SLC25A29: variants seen among roughly 807,000 people sequenced by gnomAD.
SLC25A29 encodes the protein mitochondrial basic amino acids transporter.
Under a neutral mutation model 10.0 loss-of-function variants are expected in SLC25A29, and 13 were observed. That is an observed-to-expected ratio of 1.30 (90% CI 0.85 to 2.07). The LOEUF (loss-of-function observed/expected upper bound fraction) is 2.07, where lower values mean the gene tolerates loss of function less well. Ranked by LOEUF, SLC25A29 falls within the 30% of genes most tolerant of loss-of-function variation. The pLI is 0.00. For synonymous variants in SLC25A29, 244 were observed against 221.1 expected, an observed-to-expected ratio of 1.10 and a Z score of -0.92; for missense variants, 475 against 447.6, an observed-to-expected ratio of 1.06 and a Z score of -0.55.
chr14:100,295,400 C>T, intron 2 of SLC25A29: 2 of 354,484 alleles, frequency 5.6e-6, no homozygotes, highest in East Asian at 7.7e-5. Context: ...GTTTAGGAAG[C>T]TCCCAGCTCC....
chr14:100,299,589 A>C lies in SLC25A29; in HGVS notation c.35-704T>G, dbSNP rs1892406002. The C allele has an allele frequency of 6.1e-6, 6 of 985,648 alleles. No homozygotes were observed. The South Asian group carries it at 1.9e-4, about 31-fold the overall frequency. 61.1% of individuals were successfully genotyped at this position (985,648 alleles called of 1,614,324 possible). A position where few individuals can be genotyped will look rare whatever the true frequency, so the allele number is the denominator to read the frequency against. On this transcript the variant is annotated intron_variant, in intron 1 of 3. Transcript: ENST00000359232. ...CCTGCCAAAAATCCAGCCCCTCTTG[A>C]AGGACAAAGGTTCACCCCTCCAAAA...
At position 100,292,185 on chromosome 14, in the gene SLC25A29, C is replaced by T. The variant is rs1026512076; in HGVS notation, c.*98G>A. 5 of 1,462,646 alleles carry T rather than the reference C, an allele frequency of 3.4e-6. No individual in the cohort carries two copies. Among genetic ancestry groups the T allele is most frequent in the Non-Finnish European group, 3.7e-6 (4 of 1,086,182 alleles). 90.6% of individuals were successfully genotyped at this position (1,462,646 alleles called of 1,614,324 possible). On this transcript the variant is annotated 3_prime_UTR_variant, in exon 4 of 4. Coordinates refer to ENST00000359232, the MANE Select transcript of SLC25A29 (RefSeq NM_001039355.3). ...CCCACGTCTGATAGACTCCACAGCTCGCAGCATCCCAGCAGGAAGCAGGGC... is the reference window on the plus strand; with the variant it reads ...CCCACGTCTGATAGACTCCACAGCTTGCAGCATCCCAGCAGGAAGCAGGGC...
In SLC25A29 at chr14:100,292,351, C is replaced by T. The variant is rs757836647; in HGVS notation, c.844G>A (p.Gly282Arg). 18 of 1,499,764 alleles carry T rather than the reference C, an allele frequency of 1.2e-5. No individual in the cohort carries two copies. The highest frequency in any genetic ancestry group is 9.5e-5 in the Admixed American group (4 of 42,190). The allele number at this position is 1,499,764 out of a possible 1,614,324, so 92.9% of individuals were successfully genotyped here. ...GCGGGCACAGCCTCGCCCTCGGGCC[C>T]GGCCTCCTCGCCGCGCGCGTAGGTG... ...VLTYARGEEA[G>R]PEGEAVPAAP... Residue 282 changes from glycine (G) to arginine (R), a missense_variant, in exon 4 of 4, where the codon GGG (glycine) becomes AGG (arginine). Coordinates refer to ENST00000359232, the MANE Select transcript of SLC25A29 (RefSeq NM_001039355.3).
intron 1 of SLC25A29, among the ~76,000 whole-genome samples, chr14:100,302,636 T>C (rs1044641737): frequency 5.3e-5 from 8 of 152,218 alleles, no homozygotes; most frequent in African/African-American, 1.9e-4. Flanking sequence ...ATTACAGGTG[T>C]AAGCCACTGA....
At chr14:100,299,137 C>T (rs1485776321) in intron 1 of SLC25A29, 3 of 1,381,578 alleles carry the variant, frequency 2.2e-6, no homozygotes, top group African/African-American at 2.9e-5. Context: ...GTCCCATCTG[C>T]AGGCTGCTGC....
chr14:100,285,191 C>G, the SLC25A29 span, among the ~76,000 whole-genome samples: 1 of 152,084 alleles, frequency 6.6e-6, no homozygotes, highest in Non-Finnish European at 1.5e-5. Flanking sequence ...AGCTGGTGGC[C>G]AGCCCTAGCC....
chr14:100,301,481 A>G (rs967424926), intron 1 of SLC25A29, among the ~76,000 whole-genome samples: 1 of 146,910 alleles, frequency 6.8e-6, no homozygotes, highest in African/African-American at 2.5e-5. Context: ...TCCCTTTCTA[A>G]TTGTTAATTT....
At chr14:100,286,491 C>A (rs1891546575), downstream of SLC25A29, among the ~76,000 whole-genome samples, 1 of 101,144 alleles carries the variant, frequency 9.9e-6, no homozygotes, top group Non-Finnish European at 2.1e-5. Context: ...GTGTTGCTTG[C>A]AGAGGGGCGC....
chr14:100,300,329 T>A (rs1271356102), intron 1 of SLC25A29, among the ~76,000 whole-genome samples: 1 of 152,160 alleles, frequency 6.6e-6, no homozygotes, highest in African/African-American at 2.4e-5. Context: ...CTTTGCCAGT[T>A]CTGCTTTCTC....
intron 1 of SLC25A29, among the ~76,000 whole-genome samples, chr14:100,301,959 T>G (rs1892585435): frequency 6.6e-6 from 1 of 151,804 alleles, no homozygotes; most frequent in South Asian, 2.1e-4. Flanking sequence ...GACATTTTCC[T>G]CATTGAGACC....
At chr14:100,286,789 G>C (rs1258546421), downstream of SLC25A29, among the ~76,000 whole-genome samples, 1 of 152,218 alleles carries the variant, frequency 6.6e-6, no homozygotes, top group African/African-American at 2.4e-5. Context: ...ATGGGACCTG[G>C]ACCCTTGCCC....
chr14:100,288,025 G>C (rs887149275), downstream of SLC25A29, among the ~76,000 whole-genome samples: 1 of 152,172 alleles, frequency 6.6e-6, no homozygotes, highest in Non-Finnish European at 1.5e-5. Flanking sequence ...GTGTGCCACA[G>C]TGTGTTTTAC....
At chr14:100,297,521 C>G (rs980745053) in intron 2 of SLC25A29, among the ~76,000 whole-genome samples, 1 of 152,252 alleles carries the variant, frequency 6.6e-6, no homozygotes, top group Non-Finnish European at 1.5e-5. Context: ...CAACACATGA[C>G]CACGAGACAT....
downstream of SLC25A29, among the ~76,000 whole-genome samples, chr14:100,288,314 G>A (rs971488136): frequency 7.3e-6 from 1 of 137,716 alleles, no homozygotes; most frequent in Non-Finnish European, 1.5e-5. Context: ...CCTGGGAGGT[G>A]GAAGTTGCAG....
chr14:100,298,741 C>T, intron 2 of SLC25A29, 101 bp downstream of exon 2: 2 of 1,465,724 alleles, frequency 1.4e-6, no homozygotes, highest in Non-Finnish European at 1.9e-6. Flanking sequence ...AGCAGCTGCC[C>T]ACCTGGGGCT....
the SLC25A29 span, among the ~76,000 whole-genome samples, chr14:100,283,830 C>T: frequency 6.6e-6 from 1 of 152,092 alleles, no homozygotes; most frequent in Non-Finnish European, 1.5e-5. Context: ...ACCAGTATCT[C>T]TCCTTTATAC....
At chr14:100,305,631 C>T (rs1892879992) in intron 1 of SLC25A29, 1 of 149,150 alleles carries the variant, frequency 6.7e-6, no homozygotes, top group African/African-American at 2.5e-5. Flanking sequence ...GACCCACCCA[C>T]CACCCCCCTT....
chr14:100,302,408 G>A (rs1381848925), intron 1 of SLC25A29, among the ~76,000 whole-genome samples: 3 of 149,156 alleles, frequency 2.0e-5, no homozygotes, highest in Admixed American at 6.7e-5. Flanking sequence ...CACCCAGGCC[G>A]GAGTGCAATG....
At chr14:100,299,652 G>C in intron 1 of SLC25A29, 1 of 984,926 alleles carries the variant, frequency 1.0e-6, no homozygotes, top group Non-Finnish European at 1.2e-6. Context: ...TAAATGCTGT[G>C]CAGGTGGTAA....
Sources: gnomAD v4.1 joint callset for allele counts (sites outside exome capture counted in the v4.1 genomes callset) on GRCh38, gnomAD v4.1.1 for gene constraint, MANE v1.5 for transcripts, NCBI Gene and HGNC (gene_info 2026-07-23, HGNC 2026-07-21) for gene names.